Variants in PGRMC2 observed in about 807,000 individuals in gnomAD.
PGRMC2 encodes the protein membrane-associated progesterone receptor component 2.
In PGRMC2, 9 loss-of-function variants were observed where a neutral mutation model predicts 19.3. The ratio of observed to expected loss-of-function variants is 0.47; its 90% CI spans 0.28 to 0.81. PGRMC2 has a LOEUF of 0.81. Ranked by LOEUF, PGRMC2 falls within the 40% of genes least tolerant of loss-of-function variation. The pLI, the probability that PGRMC2 is intolerant of heterozygous loss-of-function variation, is 0.11. For synonymous variants in PGRMC2, 157 were observed against 124.6 expected (o/e 1.26, Z -1.73); for missense variants, 289 against 297.3 (o/e 0.97, Z 0.21).
intron 1 of PGRMC2, among the ~76,000 whole-genome samples, chr4:128,276,029 T>C (rs1760806680): frequency 6.6e-6 from 1 of 152,196 alleles, no homozygotes; most frequent in Non-Finnish European, 1.5e-5. Flanking sequence ...CCCAGCCTTC[T>C]GTAAGGCCAT....
Position 128,287,267 on chromosome 4 carries a change from G to A in PGRMC2, c.418+106C>T, listed in dbSNP as rs1031296000. On this transcript the variant is annotated intron_variant, in intron 1 of 2. Transcript: ENST00000296425. Reference sequence around the variant, plus strand: ...GCGGCCGAGGCGCGGGGGTCCCGGAGACGAGAAGGCTGGGCAAACTAACCC... The same window carrying A: ...GCGGCCGAGGCGCGGGGGTCCCGGAAACGAGAAGGCTGGGCAAACTAACCC... 3.7e-6 allele frequency: 5 copies of A among 1,335,352 alleles called. No homozygotes were observed. In the East Asian group the frequency reaches 7.9e-5, roughly 21 times the overall value. 82.7% of individuals were successfully genotyped at this position (1,335,352 alleles called of 1,614,324 possible).
chr4:128,272,578 AAAAAGT>A (rs1760747945), intron 1 of PGRMC2, 61 bp from the exon 2 acceptor site: 1 of 803,084 alleles, frequency 1.2e-6, no homozygotes, highest in Non-Finnish European at 1.7e-6. Flanking sequence ...GTCTCAAAGG[AAAAAGT>A]AAAAAAAAAA....
chr4:128,283,908 G>A (rs573237357), intron 1 of PGRMC2, among the ~76,000 whole-genome samples: 5 of 152,226 alleles, frequency 3.3e-5, no homozygotes, highest in East Asian at 1.9e-4. Flanking sequence ...TGATCTGCCC[G>A]CCTTGGTCTC....
intron 2 of PGRMC2, among the ~76,000 whole-genome samples, chr4:128,271,992 T>C (rs537053128): frequency 2.0e-5 from 3 of 152,372 alleles, no homozygotes; most frequent in African/African-American, 7.2e-5. Flanking sequence ...AAGCTGACTG[T>C]AAGTATCACA....
intron 1 of PGRMC2, among the ~76,000 whole-genome samples, chr4:128,281,923 G>A (rs1760915644): frequency 6.6e-6 from 1 of 152,130 alleles, no homozygotes; most frequent in Non-Finnish European, 1.5e-5. Context: ...GCTCTGTTAG[G>A]TTTTTGCTTA....
Position 128,287,482 on chromosome 4 carries a change from G to A in PGRMC2, c.309C>T (p.Phe103=), listed in dbSNP as rs751103975. Residue 103 remains phenylalanine, a synonymous_variant, in exon 1 of 3, where the codon TTC becomes TTT. Transcript: ENST00000296425. The part of the protein sequence containing the change: ...TSLPRMKKRD[F]SLEQLRQYDG... ...CGTACTGGCGCAGCTGCTCCAAGCTGAAGTCCCGCTTCTTCATGCGAGGCA... is the reference window on the plus strand; with the variant it reads ...CGTACTGGCGCAGCTGCTCCAAGCTAAAGTCCCGCTTCTTCATGCGAGGCA... 2 of 1,613,748 alleles carry A rather than the reference G, an allele frequency of 1.2e-6. No individual in the cohort carries two copies. The highest frequency in any genetic ancestry group is 1.3e-5 in the African/African-American group (1 of 75,038).
intron 1 of PGRMC2, among the ~76,000 whole-genome samples, chr4:128,285,827 G>T (rs993659091): frequency 6.6e-6 from 1 of 152,154 alleles, no homozygotes; most frequent in Non-Finnish European, 1.5e-5. Flanking sequence ...AAACAAAAAT[G>T]TATTAACCAT....
intron 1 of PGRMC2, among the ~76,000 whole-genome samples, chr4:128,277,049 T>G (rs1275948229): frequency 6.6e-6 from 1 of 151,976 alleles, no homozygotes; most frequent in Admixed American, 6.6e-5. Context: ...CCCAGCTACT[T>G]GGGAGGCTGA....
Position 128,271,353 on chromosome 4 carries a change from T to G in PGRMC2, c.635A>C (p.Asp212Ala). ...ATTGTGATCCTTGGTATCTTCTTCATCTGTATATTCTGATGGTTCTTCTCC... is the reference window on the plus strand; with the variant it reads ...ATTGTGATCCTTGGTATCTTCTTCAGCTGTATATTCTGATGGTTCTTCTCC... Reference protein sequence around the residue: ...KPGEEPSEYTDEEDTKDHNKQ... With the variant: ...KPGEEPSEYTAEEDTKDHNKQ... The change falls in exon 3 of 3, where the codon GAT becomes GCT. Residue 212 changes from aspartate to alanine, a missense_variant. Asp to Ala is a moderately radical substitution (Grantham distance 126, BLOSUM62 -2). Coordinates refer to ENST00000296425, the MANE Select transcript of PGRMC2 (RefSeq NM_006320.6). 1 of 1,607,048 alleles carries G rather than the reference T, an allele frequency of 6.2e-7. No homozygotes were observed. Among genetic ancestry groups the G allele is most frequent in the Non-Finnish European group, 8.5e-7 (1 of 1,173,904 alleles).
At position 128,283,977 on chromosome 4, in the gene PGRMC2, ATT is replaced by A. The variant is rs61702072; in HGVS notation, c.418+3394_418+3395del. ...GCCTGGCCTTTATTTTTTTATTTTT[ATT>A]TTTTTTTTTTTAGTAGAGATGGGGT... On this transcript the variant is annotated intron_variant, in intron 1 of 2. Transcript: ENST00000296425. 6.6e-3 allele frequency among the ~76,000 whole-genome samples: 962 copies of A among 144,782 alleles called. 13 individuals are homozygous for A. The highest frequency in any genetic ancestry group is 0.019 in the East Asian group (84 of 4,516). 95.0% of individuals were successfully genotyped at this position (144,782 alleles called of 152,430 possible). A position where few individuals can be genotyped will look rare whatever the true frequency, so the allele number is the denominator to read the frequency against.
At chr4:128,284,049 G>C (rs1481343820) in intron 1 of PGRMC2, among the ~76,000 whole-genome samples, 1 of 151,364 alleles carries the variant, frequency 6.6e-6, no homozygotes, top group Admixed American at 6.6e-5. Flanking sequence ...GACCTCAAGT[G>C]ATCCGCTTGC....
chr4:128,278,323 C>T (rs1020487287), intron 1 of PGRMC2, among the ~76,000 whole-genome samples: 1 of 152,198 alleles, frequency 6.6e-6, no homozygotes, highest in African/African-American at 2.4e-5. Context: ...AAAAACACAA[C>T]CCCTTGGGAG....
intron 1 of PGRMC2, among the ~76,000 whole-genome samples, chr4:128,278,573 AAAAC>A (rs781284264): frequency 7.1e-4 from 108 of 152,246 alleles, no homozygotes; most frequent in African/African-American, 1.8e-3. Flanking sequence ...TTCCTTCTCA[AAAAC>A]AAACAAACAC....
intron 1 of PGRMC2, among the ~76,000 whole-genome samples, chr4:128,276,417 G>A (rs996804332): frequency 2.6e-5 from 4 of 152,242 alleles, no homozygotes; most frequent in African/African-American, 9.6e-5. Flanking sequence ...CTAGGTTTAA[G>A]TGATTCTCCT....
rs1760707574 is a variant in PGRMC2 at position 128,270,365 on chromosome 4, C to A, written c.*951G>T. The A allele has an allele frequency of 6.6e-6, 1 of 152,512 alleles. No homozygotes were observed. The highest frequency in any genetic ancestry group is 2.4e-5 in the African/African-American group (1 of 41,408). The allele number at this position is 152,512 out of a possible 1,614,324, so 9.4% of individuals were successfully genotyped here. A position where few individuals can be genotyped will look rare whatever the true frequency, so the allele number is the denominator to read the frequency against. ...TTCAATTTTTTTGAAAACAGAAAAG[C>A]ATGGGGGAATGCATTTGGCCATTAC... On this transcript the variant is annotated 3_prime_UTR_variant, in exon 3 of 3. Coordinates refer to ENST00000296425, the MANE Select transcript of PGRMC2 (RefSeq NM_006320.6).
At chr4:128,275,270 C>A (rs28726176) in intron 1 of PGRMC2, among the ~76,000 whole-genome samples, 1 of 152,080 alleles carries the variant, frequency 6.6e-6, no homozygotes, top group South Asian at 2.1e-4. Flanking sequence ...CCATAAAACA[C>A]ATTTAAATGA....
At chr4:128,286,663 C>G (rs1760987557) in intron 1 of PGRMC2, 1 of 398,388 alleles carries the variant, frequency 2.5e-6, no homozygotes, top group Non-Finnish European at 4.4e-6. Context: ...AGGTGAATAT[C>G]CTTACCAGTC....
At chr4:128,275,033 A>C (rs530814390) in intron 1 of PGRMC2, among the ~76,000 whole-genome samples, 12 of 152,202 alleles carry the variant, frequency 7.9e-5, no homozygotes, top group Non-Finnish European at 1.2e-4. Flanking sequence ...TCAAGAAAAC[A>C]CATAGAAGAC....
At chr4:128,273,733 T>C (rs1285861481) in intron 1 of PGRMC2, among the ~76,000 whole-genome samples, 2 of 152,250 alleles carry the variant, frequency 1.3e-5, no homozygotes, top group African/African-American at 4.8e-5. Flanking sequence ...CTCTGTACCT[T>C]CTGAGAGTAG....
Sources: gnomAD v4.1 joint callset for allele counts (sites outside exome capture counted in the v4.1 genomes callset) on GRCh38, gnomAD v4.1.1 for gene constraint, MANE v1.5 for transcripts, NCBI Gene and HGNC (gene_info 2026-07-23, HGNC 2026-07-21) for gene names.